Variants in MIPOL1 observed in about 807,000 individuals in gnomAD.
MIPOL1 encodes mirror-image polydactyly 1, also known as mirror-image polydactyly gene 1 protein.
In MIPOL1, 57 loss-of-function variants were observed where a neutral mutation model predicts 60.9. That is an observed-to-expected ratio of 0.94 (90% CI 0.76 to 1.17). MIPOL1 has a LOEUF of 1.17. MIPOL1 is among the 50% of genes most tolerant of loss of function. The pLI, the probability that MIPOL1 is intolerant of heterozygous loss-of-function variation, is 0.00. For synonymous variants in MIPOL1, 179 were observed against 168.8 expected (o/e 1.06, Z -0.47); for missense variants, 551 against 511.6 (o/e 1.08, Z -0.74).
At chr14:37,476,555 T>C (rs980480117) in intron 11 of MIPOL1, among the ~76,000 whole-genome samples, 2 of 152,230 alleles carry the variant, frequency 1.3e-5, no homozygotes, top group Non-Finnish European at 2.9e-5. Flanking sequence ...TTAAGTATGA[T>C]AACCATATGG....
chr14:37,451,367 C>T (rs967856505), intron 11 of MIPOL1, among the ~76,000 whole-genome samples: 1 of 152,094 alleles, frequency 6.6e-6, no homozygotes, highest in African/African-American at 2.4e-5. Context: ...AGTGTTTCTT[C>T]TACTTGTGTT....
chr14:37,393,765 G>C (rs2093307596), intron 10 of MIPOL1, among the ~76,000 whole-genome samples: 1 of 151,014 alleles, frequency 6.6e-6, no homozygotes, highest in African/African-American at 2.4e-5. Context: ...AAGTTCTTTA[G>C]TGGTGATTTG....
intron 11 of MIPOL1, among the ~76,000 whole-genome samples, chr14:37,442,449 G>C (rs144156642): frequency 2.0e-5 from 3 of 152,068 alleles, no homozygotes; most frequent in Non-Finnish European, 2.9e-5. Context: ...TGTTGTTCCA[G>C]TTTTCAAGGG....
chr14:37,222,229 T>C (rs915612308), intron 1 of MIPOL1, among the ~76,000 whole-genome samples: 2 of 151,800 alleles, frequency 1.3e-5, no homozygotes, highest in Admixed American at 1.3e-4. Flanking sequence ...TTGCTTTTTT[T>C]TTTTTTTTGA....
chr14:37,204,269 A>C (rs562494809), intron 1 of MIPOL1, among the ~76,000 whole-genome samples: 1 of 152,318 alleles, frequency 6.6e-6, no homozygotes, highest in East Asian at 1.9e-4. Context: ...GAGATTGCAA[A>C]TGTGTATTGT....
chr14:37,398,302 T>C (rs1566522356), intron 10 of MIPOL1, among the ~76,000 whole-genome samples: 1 of 152,182 alleles, frequency 6.6e-6, no homozygotes. Flanking sequence ...CTTCCGCAGT[T>C]GGGGCACTCA....
At chr14:37,473,725 C>T (rs2094723855) in intron 11 of MIPOL1, among the ~76,000 whole-genome samples, 2 of 152,144 alleles carry the variant, frequency 1.3e-5, no homozygotes, top group Non-Finnish European at 2.9e-5. Flanking sequence ...TGAAAACATA[C>T]TGATGTATTA....
intron 11 of MIPOL1, among the ~76,000 whole-genome samples, chr14:37,484,600 T>G (rs1029819067): frequency 6.6e-6 from 1 of 152,098 alleles, no homozygotes; most frequent in Admixed American, 6.6e-5. Flanking sequence ...CCTCCCAAAG[T>G]GCTGGGATTA....
chr14:37,445,959 C>G (rs543726984), intron 11 of MIPOL1, among the ~76,000 whole-genome samples: 25 of 152,200 alleles, frequency 1.6e-4, no homozygotes, highest in African/African-American at 5.5e-4. Context: ...AGACCTAAAA[C>G]CATAAAAACC....
At chr14:37,509,944 T>G (rs2095313469) in intron 12 of MIPOL1, among the ~76,000 whole-genome samples, 1 of 151,744 alleles carries the variant, frequency 6.6e-6, no homozygotes, top group Non-Finnish European at 1.5e-5. Context: ...TCATGTTTTA[T>G]AATTCAACCT....
chr14:37,268,844 C>G, intron 5 of MIPOL1, 51 bp downstream of exon 5: 1 of 1,343,662 alleles, frequency 7.4e-7, no homozygotes, highest in Non-Finnish European at 9.9e-7. Context: ...AGCTGTTGAT[C>G]TTCTAAATTT....
intron 10 of MIPOL1, among the ~76,000 whole-genome samples, chr14:37,417,344 C>T (rs1250466730): frequency 6.6e-6 from 1 of 152,084 alleles, no homozygotes; most frequent in Non-Finnish European, 1.5e-5. Context: ...ATATATCACT[C>T]GACAGTGTAT....
At chr14:37,500,165 C>A in intron 12 of MIPOL1, 27 bp downstream of exon 12, 1 of 1,414,348 alleles carries the variant, frequency 7.1e-7, no homozygotes, top group Non-Finnish European at 9.8e-7. Flanking sequence ...TGTAATAATA[C>A]TTCAAACACA....
intron 11 of MIPOL1, among the ~76,000 whole-genome samples, chr14:37,476,911 T>G (rs921537467): frequency 6.9e-6 from 1 of 145,282 alleles, no homozygotes; most frequent in Admixed American, 6.8e-5. Context: ...TTTTTTTTTT[T>G]TTTTTTTGAG....
At chr14:37,524,568 T>TC (rs2095434849) in intron 12 of MIPOL1, among the ~76,000 whole-genome samples, 5 of 136,006 alleles carry the variant, frequency 3.7e-5, no homozygotes, top group Non-Finnish European at 6.4e-5. Flanking sequence ...TCTTTTTCTT[T>TC]TCTTTTTTTT....
chr14:37,435,780 T>G (rs973547132), intron 11 of MIPOL1, among the ~76,000 whole-genome samples: 7 of 148,262 alleles, frequency 4.7e-5, no homozygotes, highest in African/African-American at 1.7e-4. Flanking sequence ...AAAAATTTTT[T>G]ATGTACATGT....
At chr14:37,517,343 G>A (rs904099339) in intron 12 of MIPOL1, among the ~76,000 whole-genome samples, 1 of 152,128 alleles carries the variant, frequency 6.6e-6, no homozygotes, top group African/African-American at 2.4e-5. Context: ...TTATATTGTA[G>A]CCTCAGAAAC....
intron 1 of MIPOL1, 93 bp downstream of exon 1, chr14:37,198,197 GAGA>G: frequency 6.6e-6 from 1 of 152,514 alleles, no homozygotes; most frequent in East Asian, 1.9e-4. Context: ...CTTTTCCTTG[GAGA>G]AGGAGAAGGG....
At chr14:37,384,431 A>T (rs1368938596) in intron 10 of MIPOL1, among the ~76,000 whole-genome samples, 2 of 151,876 alleles carry the variant, frequency 1.3e-5, no homozygotes, top group Non-Finnish European at 1.5e-5. Flanking sequence ...TTTTATTTTT[A>T]TTCCTATTCA....
Sources: allele counts gnomAD v4.1 joint callset (sites outside exome capture counted in the v4.1 genomes callset), GRCh38; gene constraint gnomAD v4.1.1; transcripts MANE v1.5; gene names NCBI Gene and HGNC (gene_info 2026-07-23, HGNC 2026-07-21).